MAGI2: variants seen among roughly 807,000 people sequenced by gnomAD.
MAGI2 encodes membrane associated guanylate kinase, WW and PDZ domain containing 2.
MAGI2 carries 35 observed loss-of-function variants against 133.3 expected under a neutral mutation model. The ratio of observed to expected loss-of-function variants is 0.26; its 90% CI spans 0.20 to 0.35. MAGI2 has a LOEUF of 0.35. MAGI2 is among the 10% of genes least tolerant of loss of function. The pLI, the probability that MAGI2 is intolerant of heterozygous loss-of-function variation, is 1.00. For missense variants in MAGI2, 1,636 were observed against 1,863.4 expected (o/e 0.88, Z 2.25); for synonymous variants, 729 against 710.6 (o/e 1.03, Z -0.41).
chr7:78,286,451 T>C (rs926259973), intron 9 of MAGI2, among the ~76,000 whole-genome samples: 1 of 152,144 alleles, frequency 6.6e-6, no homozygotes, highest in Admixed American at 6.6e-5. Context: ...GGGGATTCAA[T>C]GAAGGCGTCA....
chr7:79,082,688 G>T (rs1816145582), intron 1 of MAGI2, among the ~76,000 whole-genome samples: 1 of 151,942 alleles, frequency 6.6e-6, no homozygotes, highest in South Asian at 2.1e-4. Flanking sequence ...GTTATTCAGG[G>T]ACCCCTGAGA....
chr7:78,128,276 A>G (rs1280376882), intron 18 of MAGI2, among the ~76,000 whole-genome samples: 1 of 152,224 alleles, frequency 6.6e-6, no homozygotes, highest in African/African-American at 2.4e-5. Flanking sequence ...CAAAAGAAAT[A>G]GCCAATCCCT....
intron 9 of MAGI2, among the ~76,000 whole-genome samples, chr7:78,325,361 C>G (rs1454063072): frequency 1.3e-5 from 2 of 152,126 alleles, no homozygotes; most frequent in African/African-American, 4.8e-5. Flanking sequence ...ACTTTACAGC[C>G]TTGTTCACAT....
intron 1 of MAGI2, among the ~76,000 whole-genome samples, chr7:79,261,788 C>T (rs190190928): frequency 5.3e-4 from 81 of 152,264 alleles, no homozygotes; most frequent in African/African-American, 1.8e-3. Flanking sequence ...ACATCACTTA[C>T]CATCACTTAA....
chr7:78,629,133 T>C (rs1027201672), intron 2 of MAGI2, among the ~76,000 whole-genome samples: 1 of 152,178 alleles, frequency 6.6e-6, no homozygotes, highest in Non-Finnish European at 1.5e-5. Flanking sequence ...TGAACATTTG[T>C]AGTTGTGCTC....
intron 9 of MAGI2, among the ~76,000 whole-genome samples, chr7:78,297,974 T>TTAAAG (rs1797447659): frequency 1.7e-5 from 2 of 120,028 alleles, no homozygotes; most frequent in African/African-American, 4.0e-5. Flanking sequence ...ACCCTAGAAC[T>TTAAAG]TAAAGTATAA....
At chr7:79,313,956 CCA>C (rs1838501680) in intron 1 of MAGI2, among the ~76,000 whole-genome samples, 1 of 151,800 alleles carries the variant, frequency 6.6e-6, no homozygotes, top group South Asian at 2.1e-4. Context: ...GAACACACCA[CCA>C]CATCCTGCTA....
chr7:78,812,127 C>T (rs1270176357), intron 2 of MAGI2, among the ~76,000 whole-genome samples: 1 of 152,110 alleles, frequency 6.6e-6, no homozygotes, highest in East Asian at 1.9e-4. Flanking sequence ...TAGATTTTCT[C>T]CCAGATCCCC....
Position 78,369,206 on chromosome 7 carries a change from T to C in MAGI2, c.1053A>G (p.Pro351=), listed in dbSNP as rs777272578. 6 of 1,600,906 alleles carry C rather than the reference T, an allele frequency of 3.7e-6. No individual in the cohort carries two copies. Among genetic ancestry groups the C allele is most frequent in the Non-Finnish European group, 5.1e-6 (6 of 1,171,550 alleles). The change falls in exon 7 of 22, where the codon CCA becomes CCG. Residue 351 remains proline (P), a synonymous_variant. Coordinates refer to ENST00000354212, the MANE Select transcript of MAGI2 (RefSeq NM_012301.4). ...GATCATCGATTTTTTCCCAGCCATA[T>C]GGAAGCTCTGAAAAATAAAGAGTTC... The part of the protein sequence containing the change: ...PPEECKENEL[P]YGWEKIDDPI...
chr7:79,117,759 T>C (rs1485193844), intron 1 of MAGI2, among the ~76,000 whole-genome samples: 1 of 152,212 alleles, frequency 6.6e-6, no homozygotes, highest in Non-Finnish European at 1.5e-5. Flanking sequence ...CTTATGAATA[T>C]ATAGCTAAAA....
At chr7:78,333,630 A>G (rs1221870768) in intron 9 of MAGI2, among the ~76,000 whole-genome samples, 2 of 152,234 alleles carry the variant, frequency 1.3e-5, no homozygotes, top group Non-Finnish European at 2.9e-5. Flanking sequence ...GAGGCCTGAC[A>G]GCCTTCCCTT....
intron 3 of MAGI2, among the ~76,000 whole-genome samples, chr7:78,553,751 TCA>T (rs1467298820): frequency 2.0e-5 from 3 of 152,296 alleles, no homozygotes; most frequent in East Asian, 3.9e-4. Flanking sequence ...TTGCCCCAAA[TCA>T]CACAGTTACC....
intron 10 of MAGI2, among the ~76,000 whole-genome samples, chr7:78,206,483 G>T (rs1329023135): frequency 1.3e-5 from 2 of 151,862 alleles, no homozygotes; most frequent in African/African-American, 4.8e-5. Context: ...AGTAGAGATG[G>T]GGTTTCACCA....
chr7:78,823,645 A>G (rs1790365684), intron 2 of MAGI2, among the ~76,000 whole-genome samples: 1 of 151,624 alleles, frequency 6.6e-6, no homozygotes. Context: ...TAAACAAATC[A>G]TTTTTAGGTG....
At chr7:78,864,434 A>G (rs778511314) in intron 2 of MAGI2, among the ~76,000 whole-genome samples, 6 of 152,214 alleles carry the variant, frequency 3.9e-5, no homozygotes, top group Non-Finnish European at 8.8e-5. Context: ...TTGGCATCCA[A>G]ATAAATGCTT....
At chr7:78,054,494 C>G (rs895156309) in intron 21 of MAGI2, among the ~76,000 whole-genome samples, 2 of 152,042 alleles carry the variant, frequency 1.3e-5, no homozygotes, top group South Asian at 2.1e-4. Flanking sequence ...TAAAAAGCCT[C>G]CATCTCACTC....
In MAGI2 at chr7:78,860,388, G is replaced by T. The variant is rs190453342; in HGVS notation, c.418+146702C>A. Among the ~76,000 whole-genome samples the T allele has an allele frequency of 2.3e-3, 356 of 152,200 alleles. 6 individuals carry two copies. In the East Asian group the frequency reaches 0.044, roughly 19 times the overall value. On this transcript the variant is annotated intron_variant, in intron 2 of 21. Coordinates refer to ENST00000354212, the MANE Select transcript of MAGI2 (RefSeq NM_012301.4). ...CATCTTTGTGGTTTTATCTACCTTT[G>T]GTCTTTGATGATGGTGACATACAGA... is the stretch of plus-strand genomic sequence containing the variant.
chr7:78,977,437 T>A (rs1005492613), intron 2 of MAGI2, among the ~76,000 whole-genome samples: 2 of 141,546 alleles, frequency 1.4e-5, no homozygotes, highest in Non-Finnish European at 3.1e-5. Context: ...GAGAGAAACA[T>A]AAGCAAAGAC....
At chr7:78,684,743 T>A (rs73380256) in intron 2 of MAGI2, among the ~76,000 whole-genome samples, 3,218 of 105,616 alleles carry the variant, frequency 0.03, 101 homozygotes, top group African/African-American at 0.11. Flanking sequence ...AAAAAAAGCA[T>A]TTTTTTTCTC....
Sources: gnomAD v4.1 joint callset for allele counts (sites outside exome capture counted in the v4.1 genomes callset) on GRCh38, gnomAD v4.1.1 for gene constraint, MANE v1.5 for transcripts, NCBI Gene and HGNC (gene_info 2026-07-23, HGNC 2026-07-21) for gene names.